The following KIF6 variants were observed in gnomAD, a reference collection of about 807,000 sequenced individuals.
The protein encoded by KIF6 is kinesin family member 6.
In KIF6, 106 loss-of-function variants were observed where a neutral mutation model predicts 112.7. The ratio of observed to expected loss-of-function variants is 0.94; its 90% CI spans 0.80 to 1.11. KIF6 has a LOEUF of 1.11. Ranked by LOEUF, KIF6 falls within the 50% of genes least tolerant of loss-of-function variation. KIF6 has a pLI of 0.00. For missense variants in KIF6, 929 were observed against 964.0 expected, an observed-to-expected ratio of 0.96 and a Z score of 0.48; for synonymous variants, 339 against 339.9, an observed-to-expected ratio of 1.00 and a Z score of 0.03.
chr6:39,539,873 T>G (rs1254985072), intron 13 of KIF6, 130 bp downstream of exon 13: 1 of 692,606 alleles, frequency 1.4e-6, no homozygotes, highest in Non-Finnish European at 2.4e-6. Context: ...TAATTTAAGA[T>G]AATTGATAGT....
intron 4 of KIF6, 122 bp from the exon 5 acceptor site, chr6:39,635,080 G>C: frequency 3.3e-6 from 2 of 612,004 alleles, no homozygotes; most frequent in Non-Finnish European, 5.8e-6. Context: ...ACTTTATATG[G>C]TTTACATTTT....
In KIF6 at chr6:39,377,453, T is replaced by C. The variant is rs189824773; in HGVS notation, c.1861+8169A>G. ...GTTTCACACACTGGATCATGCTAGGTGCTCAGTGAAATCTGGGGAATAAAT... is the reference window on the plus strand; with the variant it reads ...GTTTCACACACTGGATCATGCTAGGCGCTCAGTGAAATCTGGGGAATAAAT... On this transcript the variant is annotated intron_variant, in intron 16 of 22. Transcript: ENST00000287152. Among the ~76,000 whole-genome samples, 847 of 151,342 alleles carry C rather than the reference T, an allele frequency of 5.6e-3. 14 individuals are homozygous for C. Among genetic ancestry groups the C allele is most frequent in the African/African-American group, 0.02 (808 of 41,286 alleles).
chr6:39,412,085 G>T (rs1034570335), intron 15 of KIF6, among the ~76,000 whole-genome samples: 3 of 152,080 alleles, frequency 2.0e-5, no homozygotes, highest in African/African-American at 7.2e-5. Flanking sequence ...TTTCTTGGTG[G>T]CATTCCAACC....
intron 13 of KIF6, among the ~76,000 whole-genome samples, chr6:39,467,601 G>A (rs933630123): frequency 6.6e-6 from 1 of 152,094 alleles, no homozygotes; most frequent in Non-Finnish European, 1.5e-5. Flanking sequence ...ATAGGCTAAC[G>A]CTAAGGGAAA....
intron 15 of KIF6, among the ~76,000 whole-genome samples, chr6:39,396,431 C>T (rs1768273059): frequency 6.6e-6 from 1 of 152,118 alleles, no homozygotes; most frequent in Non-Finnish European, 1.5e-5. Context: ...AGCAGGTGCA[C>T]TGGGAAACTG....
chr6:39,536,241 C>A (rs1274995260), intron 13 of KIF6, among the ~76,000 whole-genome samples: 1 of 150,848 alleles, frequency 6.6e-6, no homozygotes, highest in Non-Finnish European at 1.5e-5. Flanking sequence ...AATAGAGACA[C>A]AAAAAAACCC....
intron 15 of KIF6, among the ~76,000 whole-genome samples, chr6:39,414,973 G>C (rs1335623062): frequency 1.3e-5 from 2 of 151,734 alleles, no homozygotes; most frequent in Non-Finnish European, 2.9e-5. Flanking sequence ...TGGATCACAA[G>C]GTCAGGAGTT....
chr6:39,501,989 A>G (rs1267743853), intron 13 of KIF6, among the ~76,000 whole-genome samples: 1 of 152,174 alleles, frequency 6.6e-6, no homozygotes, highest in African/African-American at 2.4e-5. Context: ...AGACAACCCC[A>G]GTAAGATACT....
chr6:39,358,045 T>A (rs1165980798), intron 18 of KIF6, among the ~76,000 whole-genome samples: 1 of 152,230 alleles, frequency 6.6e-6, no homozygotes, highest in African/African-American at 2.4e-5. Context: ...AAAGACCCCC[T>A]ACTAAAGTCA....
chr6:39,466,871 C>T (rs1380653812), intron 13 of KIF6, among the ~76,000 whole-genome samples: 1 of 152,198 alleles, frequency 6.6e-6, no homozygotes. Context: ...TTGCCTTTGC[C>T]TGCTCATAAA....
chr6:39,612,693 T>C (rs372162223), intron 6 of KIF6, among the ~76,000 whole-genome samples: 2 of 152,332 alleles, frequency 1.3e-5, no homozygotes, highest in South Asian at 4.1e-4. Flanking sequence ...GTTCAATGCA[T>C]TGTTCTAAGT....
At chr6:39,569,000 C>T (rs534952385) in intron 10 of KIF6, among the ~76,000 whole-genome samples, 2 of 152,284 alleles carry the variant, frequency 1.3e-5, no homozygotes, top group East Asian at 3.9e-4. Flanking sequence ...TCCAGGTCTA[C>T]TTCTCATCTT....
intron 13 of KIF6, among the ~76,000 whole-genome samples, chr6:39,498,792 T>C (rs2150488140): frequency 6.6e-6 from 1 of 152,266 alleles, no homozygotes; most frequent in Admixed American, 6.5e-5. Context: ...AACAGCATTT[T>C]AAAAATTGTT....
intron 10 of KIF6, among the ~76,000 whole-genome samples, chr6:39,573,720 A>G (rs1048443053): frequency 1.3e-5 from 2 of 152,212 alleles, no homozygotes; most frequent in African/African-American, 4.8e-5. Flanking sequence ...CTAGTTTTAC[A>G]TGATTCCTGA....
At chr6:39,666,286 C>T (rs962851264) in intron 3 of KIF6, among the ~76,000 whole-genome samples, 11 of 152,180 alleles carry the variant, frequency 7.2e-5, no homozygotes, top group African/African-American at 2.7e-4. Context: ...TCTGCAAAGT[C>T]CACCACATCT....
At chr6:39,357,688 A>T (rs1764820536) in intron 18 of KIF6, among the ~76,000 whole-genome samples, 2 of 152,088 alleles carry the variant, frequency 1.3e-5, no homozygotes, top group African/African-American at 4.8e-5. Flanking sequence ...ACCTCAGTTG[A>T]TCTGCTCACC....
chr6:39,385,950 A>G (rs1237634353), intron 15 of KIF6, among the ~76,000 whole-genome samples: 1 of 152,176 alleles, frequency 6.6e-6, no homozygotes, highest in Non-Finnish European at 1.5e-5. Context: ...GTCACCCATA[A>G]CTTTCACTGA....
chr6:39,540,644 A>G (rs1778736889), intron 12 of KIF6, among the ~76,000 whole-genome samples: 2 of 152,248 alleles, frequency 1.3e-5, no homozygotes, highest in Admixed American at 1.3e-4. Context: ...GCAGCAGCAG[A>G]GCAGAGCGGG....
chr6:39,514,450 GA>G (rs1238740202), intron 13 of KIF6, among the ~76,000 whole-genome samples: 2 of 152,220 alleles, frequency 1.3e-5, no homozygotes, highest in African/African-American at 4.8e-5. Context: ...GAAACGGTCA[GA>G]AAAACCTCTT....
Sources: allele counts gnomAD v4.1 joint callset (sites outside exome capture counted in the v4.1 genomes callset), GRCh38; gene constraint gnomAD v4.1.1; transcripts MANE v1.5; gene names NCBI Gene and HGNC (gene_info 2026-07-23, HGNC 2026-07-21).